Variants in DSG4 observed in about 807,000 individuals in gnomAD.
The protein encoded by DSG4 is desmoglein 4.
In DSG4, 87 loss-of-function variants were observed where a neutral mutation model predicts 93.1. The observed-to-expected ratio is 0.93, with a 90% CI of 0.79 to 1.12. The LOEUF (loss-of-function observed/expected upper bound fraction) is 1.12, where lower values mean the gene tolerates loss of function less well. Among genes scored for constraint, DSG4 ranks in the 50% most tolerant of loss-of-function variants. DSG4 has a pLI of 0.00. For missense variants in DSG4, 1,373 were observed against 1,285.7 expected (o/e 1.07, Z -1.04); for synonymous variants, 432 against 452.9 (o/e 0.95, Z 0.59).
rs188617814 is a variant in DSG4, at chr18:31,411,183, C to T, written c.2138-48C>T. 4.1e-4 allele frequency: 666 copies of T among 1,614,240 alleles called. 1 individual carries two copies. In the African/African-American group the frequency reaches 7.5e-3, roughly 18 times the overall value. On this transcript the variant is annotated intron_variant, in intron 14 of 15. Coordinates refer to ENST00000308128, the MANE Select transcript of DSG4 (RefSeq NM_177986.5). ...GGCGGCAGCGTTTTAGGCAGATGCG[C>T]GCTGCAGGCAACTCCAGCGCTGTTA...
intron 11 of DSG4, 116 bp downstream of exon 11, chr18:31,403,750 A>G: frequency 1.1e-6 from 1 of 931,020 alleles, no homozygotes; most frequent in South Asian, 1.4e-5. Flanking sequence ...AGTTCTTGCC[A>G]TATTAACATT....
In DSG4 at chr18:31,376,869, A is replaced by C. The variant is rs140773382; in HGVS notation, c.-43A>C. ...TCGGAACTGAGAAGACGAGGGCTCAAATTGAATCTCACAGGATTTGCGTGC... is the reference window on the plus strand; with the variant it reads ...TCGGAACTGAGAAGACGAGGGCTCACATTGAATCTCACAGGATTTGCGTGC... On this transcript the variant is annotated 5_prime_UTR_variant, in exon 1 of 16. Transcript: ENST00000308128. The C allele has an allele frequency of 3.6e-4, 577 of 1,611,998 alleles. 3 individuals are homozygous for C. In the African/African-American group the frequency reaches 6.7e-3, roughly 19 times the overall value.
In DSG4 at chr18:31,403,541, G is replaced by C; in HGVS notation, c.1543G>C (p.Val515Leu). ...CIDSPSVLISVNEHSYGSPFT... is the reference protein window; with the variant it reads ...CIDSPSVLISLNEHSYGSPFT... Reference sequence around the variant, plus strand: ...TGACTCTCCATCAGTCCTTATCTCTGTTAATGAACATTCTTATGGGTCTCC... The same window carrying C: ...TGACTCTCCATCAGTCCTTATCTCTCTTAATGAACATTCTTATGGGTCTCC... Residue 515 changes from valine to leucine, a missense_variant, in exon 11 of 16, where the codon GTT becomes CTT. Coordinates refer to ENST00000308128, the MANE Select transcript of DSG4 (RefSeq NM_177986.5). 6.8e-6 allele frequency: 11 copies of C among 1,614,050 alleles called. No individual in the cohort carries two copies. Among genetic ancestry groups the C allele is most frequent in the Non-Finnish European group, 8.5e-6 (10 of 1,179,958 alleles).
intron 8 of DSG4, among the ~76,000 whole-genome samples, chr18:31,395,178 T>C (rs1453489527): frequency 2.6e-5 from 4 of 151,268 alleles, no homozygotes; most frequent in Admixed American, 2.6e-4. Flanking sequence ...CAATTATAAA[T>C]ATGAAAAAAA....
chr18:31,380,871 G>A (rs1037956319), intron 1 of DSG4, among the ~76,000 whole-genome samples: 1 of 152,042 alleles, frequency 6.6e-6, no homozygotes, highest in African/African-American at 2.4e-5. Context: ...ATTGCAAGAA[G>A]CATATATTAT....
rs374462685 is a variant in DSG4 at position 31,386,795 on chromosome 18, C to T, written c.192C>T (p.Asn64=). The T allele has an allele frequency of 6.2e-6, 10 of 1,613,174 alleles. No homozygotes were observed. The highest frequency in any genetic ancestry group is 8.5e-6 in the Non-Finnish European group (10 of 1,179,416). The part of the protein sequence containing the change: ...FAAACREGED[N]SKRNPIAKIR... ...CAGCCTGTCGAGAAGGAGAGGACAA[C>T]TCGAAGAGGAACCCCATTGCCAAAG... The change falls in exon 3 of 16, where the codon AAC becomes AAT. Residue 64 remains asparagine (N), a synonymous_variant. Transcript: ENST00000308128.
At chr18:31,408,505 A>T (rs12709651) in intron 12 of DSG4, among the ~76,000 whole-genome samples, 6 of 152,194 alleles carry the variant, frequency 3.9e-5, no homozygotes, top group African/African-American at 9.6e-5. Context: ...ATAAGACTAA[A>T]GCTGATTTTG....
At position 31,392,216 on chromosome 18, in the gene DSG4, A is replaced by T. The variant is rs2072257773; in HGVS notation, c.881A>T (p.Asp294Val). 1.2e-6 allele frequency: 2 copies of T among 1,613,718 alleles called. No individual in the cohort carries two copies. The highest frequency in any genetic ancestry group is 1.7e-6 in the Non-Finnish European group (2 of 1,179,872). Residue 294 changes from aspartate to valine, a missense_variant, in exon 8 of 16, where the codon GAT becomes GTT. Transcript: ENST00000308128. ...GAACTGATACGATTACAAGCAATTG[A>T]TCTTGATGAAGAAGGCACTGATAAC... ...SSELIRLQAI[D>V]LDEEGTDNWL...
rs2072520624 is a variant in DSG4 at position 31,413,424 on chromosome 18, G to T, written c.2952G>T (p.Glu984Asp). The T allele has an allele frequency of 6.2e-7, 1 of 1,613,682 alleles. No individual in the cohort carries two copies. The highest frequency in any genetic ancestry group is 2.2e-5 in the East Asian group (1 of 44,846). ...ACATGAGCAATAGTAGCACGACTGAGGGTTGTATGGGACCTGTGATGAGCG... is the reference window on the plus strand; with the variant it reads ...ACATGAGCAATAGTAGCACGACTGATGGTTGTATGGGACCTGTGATGAGCG... ...VPDMSNSSTT[E>D]GCMGPVMSGN... Residue 984 changes from glutamate to aspartate, a missense_variant, in exon 16 of 16, where the codon GAG becomes GAT. Transcript: ENST00000308128.
intron 15 of DSG4, among the ~76,000 whole-genome samples, 160 bp from the exon 16 acceptor site, chr18:31,412,668 T>G (rs906009810): frequency 5.3e-5 from 8 of 152,224 alleles, no homozygotes; most frequent in African/African-American, 1.9e-4. Flanking sequence ...TATCACAGAA[T>G]GTGCATGGAT....
chr18:31,409,495 G>A lies in DSG4; in HGVS notation c.1977G>A (p.Gln659=). 6.8e-6 allele frequency: 11 copies of A among 1,614,186 alleles called. No homozygotes were observed. The highest frequency in any genetic ancestry group is 1.3e-5 in the African/African-American group (1 of 75,046). The change falls in exon 13 of 16, where the codon CAG becomes CAA. Residue 659 remains glutamine, a synonymous_variant. Coordinates refer to ENST00000308128, the MANE Select transcript of DSG4 (RefSeq NM_177986.5). ...TCCTGTGTTGCTGCAAACAGAGACAGCCAGAAGGCCTGGGAACAAGATTTG... is the reference window on the plus strand; with the variant it reads ...TCCTGTGTTGCTGCAAACAGAGACAACCAGAAGGCCTGGGAACAAGATTTG... The part of the protein sequence containing the change: ...LLLLCCCKQR[Q]PEGLGTRFAP...
chr18:31,405,939 G>A, intron 11 of DSG4, 138 bp from the exon 12 acceptor site: 1 of 765,802 alleles, frequency 1.3e-6, no homozygotes, highest in Middle Eastern at 3.8e-4. Context: ...TTAAAAAAAA[G>A]TACAAGGTGC....
At chr18:31,378,628 T>C (rs1442178673) in intron 1 of DSG4, among the ~76,000 whole-genome samples, 2 of 152,310 alleles carry the variant, frequency 1.3e-5, no homozygotes, top group East Asian at 3.9e-4. Context: ...TTCCTCCTAC[T>C]CCTCATTGAT....
At chr18:31,392,797 T>A (rs1568065168) in intron 8 of DSG4, among the ~76,000 whole-genome samples, 1 of 152,154 alleles carries the variant, frequency 6.6e-6, no homozygotes. Context: ...ATAGCTAAGA[T>A]TGCTAATGTG....
chr18:31,377,814 A>G (rs867855301), intron 1 of DSG4, among the ~76,000 whole-genome samples: 12 of 152,336 alleles, frequency 7.9e-5, no homozygotes, highest in Middle Eastern at 6.8e-3. Flanking sequence ...GTAAATTAAG[A>G]CAAATGCATT....
chr18:31,399,851 C>T (rs576204700), intron 9 of DSG4, among the ~76,000 whole-genome samples: 15 of 152,178 alleles, frequency 9.9e-5, no homozygotes, highest in Admixed American at 3.9e-4. Flanking sequence ...TACCCTGGAC[C>T]GGGGCTGATT....
intron 8 of DSG4, among the ~76,000 whole-genome samples, chr18:31,393,558 A>G (rs2072273263): frequency 6.6e-6 from 1 of 152,088 alleles, no homozygotes; most frequent in Admixed American, 6.5e-5. Flanking sequence ...GCAAAAACTC[A>G]TTTATCACCA....
chr18:31,401,356 G>A (rs750619341), intron 10 of DSG4, among the ~76,000 whole-genome samples: 1 of 152,132 alleles, frequency 6.6e-6, no homozygotes, highest in Non-Finnish European at 1.5e-5. Flanking sequence ...TAAAGTAAGG[G>A]CTACGTGCTC....
chr18:31,403,049 G>C (rs2072385694), intron 10 of DSG4, among the ~76,000 whole-genome samples: 2 of 152,086 alleles, frequency 1.3e-5, no homozygotes, highest in South Asian at 4.2e-4. Context: ...TAATTTATGG[G>C]AACAGGGTGA....
Sources: allele counts gnomAD v4.1 joint callset (sites outside exome capture counted in the v4.1 genomes callset), GRCh38; gene constraint gnomAD v4.1.1; transcripts MANE v1.5; gene names NCBI Gene and HGNC (gene_info 2026-07-23, HGNC 2026-07-21).